The following HHAT variants were observed in gnomAD, a reference collection of about 807,000 sequenced individuals.
The protein encoded by HHAT is protein-cysteine N-palmitoyltransferase HHAT.
HHAT carries 47 observed loss-of-function variants against 70.8 expected under a neutral mutation model. That is an observed-to-expected ratio of 0.66 (90% CI 0.53 to 0.85). HHAT has a LOEUF of 0.85. HHAT is among the 40% of genes least tolerant of loss of function. The probability of loss-of-function intolerance (pLI) is 0.00; values close to 1 mark genes in which losing one functional copy is unlikely to be tolerated. For synonymous variants in HHAT, 228 were observed against 247.6 expected, an observed-to-expected ratio of 0.92 and a Z score of 0.74; for missense variants, 609 against 604.8, an observed-to-expected ratio of 1.01 and a Z score of -0.07.
intron 2 of HHAT, among the ~76,000 whole-genome samples, chr1:210,359,351 T>A (rs1228438572): frequency 6.6e-6 from 1 of 152,060 alleles, no homozygotes; most frequent in East Asian, 1.9e-4. Context: ...GGCTTAGGAG[T>A]TATGTAGCTA....
chr1:210,558,194 C>T (rs1197054080), intron 9 of HHAT, among the ~76,000 whole-genome samples: 3 of 152,132 alleles, frequency 2.0e-5, no homozygotes, highest in African/African-American at 7.2e-5. Context: ...CCAGAAGATA[C>T]CCAGCAATTG....
chr1:210,355,246 CAGATAATGAT>C (rs763640398), intron 2 of HHAT, among the ~76,000 whole-genome samples: 1 of 152,178 alleles, frequency 6.6e-6, no homozygotes, highest in Non-Finnish European at 1.5e-5. Context: ...ATACCATCCA[CAGATAATGAT>C]AGTAGTTTTG....
chr1:210,466,030 T>C lies in HHAT; in HGVS notation c.1007+1375T>C, dbSNP rs965472275. On this transcript the variant is annotated intron_variant, in intron 8 of 11. Coordinates refer to ENST00000261458, the MANE Select transcript of HHAT (RefSeq NM_018194.6). ...TTGCAAGGAATGAATTGCAAGGAAT[T>C]GCAAGGAATGAATTGCAAGGAATTG... Among the ~76,000 whole-genome samples, 206 of 132,146 alleles carry C rather than the reference T, an allele frequency of 1.6e-3. 1 individual carries two copies. The highest frequency in any genetic ancestry group is 1.2e-3 in the Non-Finnish European group (72 of 62,318). The allele number at this position is 132,146 out of a possible 152,430, so 86.7% of individuals were successfully genotyped here.
intron 7 of HHAT, among the ~76,000 whole-genome samples, chr1:210,437,563 G>A (rs1244197806): frequency 6.6e-6 from 1 of 151,848 alleles, no homozygotes; most frequent in Non-Finnish European, 1.5e-5. Flanking sequence ...CCACATTGTT[G>A]ATCCTGTGCA....
At chr1:210,625,599 A>G (rs1669690443) in intron 11 of HHAT, among the ~76,000 whole-genome samples, 1 of 152,240 alleles carries the variant, frequency 6.6e-6, no homozygotes, top group African/African-American at 2.4e-5. Context: ...AAGAGGTGGC[A>G]TTTGAATTGA....
chr1:210,372,164 G>T (rs559807053), intron 3 of HHAT, among the ~76,000 whole-genome samples: 3 of 152,158 alleles, frequency 2.0e-5, no homozygotes, highest in Non-Finnish European at 4.4e-5. Context: ...GGCCCTGCTC[G>T]TGGGTCCTGC....
intron 11 of HHAT, among the ~76,000 whole-genome samples, chr1:210,669,306 AT>A (rs1679610263): frequency 6.6e-6 from 1 of 152,202 alleles, no homozygotes; most frequent in Non-Finnish European, 1.5e-5. Flanking sequence ...TAACCAAGTT[AT>A]TACTTGGTTA....
intron 9 of HHAT, among the ~76,000 whole-genome samples, chr1:210,566,861 C>A (rs936401688): frequency 6.6e-6 from 1 of 152,194 alleles, no homozygotes; most frequent in Admixed American, 6.5e-5. Context: ...TCACACTGGC[C>A]CCCTGCCCTT....
intron 9 of HHAT, among the ~76,000 whole-genome samples, chr1:210,570,777 T>G (rs919561375): frequency 6.6e-6 from 1 of 152,144 alleles, no homozygotes; most frequent in Non-Finnish European, 1.5e-5. Context: ...CTTAAGGCAG[T>G]GCTGTCAAGT....
chr1:210,357,550 G>A (rs975555873), intron 2 of HHAT, among the ~76,000 whole-genome samples: 3 of 152,142 alleles, frequency 2.0e-5, no homozygotes, highest in East Asian at 1.9e-4. Context: ...GGCTGGGTAC[G>A]GTGGCTCACG....
intron 11 of HHAT, among the ~76,000 whole-genome samples, chr1:210,628,012 G>C (rs1226304696): frequency 6.6e-6 from 1 of 152,082 alleles, no homozygotes; most frequent in Non-Finnish European, 1.5e-5. Context: ...ATAAATCTTT[G>C]ACATTGAAGC....
intron 8 of HHAT, among the ~76,000 whole-genome samples, chr1:210,470,145 C>T (rs2094178022): frequency 1.3e-5 from 2 of 152,166 alleles, no homozygotes; most frequent in South Asian, 2.1e-4. Context: ...GTGCCCAGAC[C>T]CACCATTTGT....
intron 1 of HHAT, among the ~76,000 whole-genome samples, chr1:210,331,631 G>A (rs1409043304): frequency 6.6e-6 from 1 of 152,210 alleles, no homozygotes. Flanking sequence ...TGAAAGCTGA[G>A]ATAGGTGATC....
intron 10 of HHAT, chr1:210,588,328 T>C: frequency 2.3e-6 from 1 of 442,922 alleles, no homozygotes; most frequent in Non-Finnish European, 4.0e-6. Flanking sequence ...AAAAATGTAT[T>C]ATGTAAAAAT....
chr1:210,576,534 G>T (rs1573453778), intron 9 of HHAT, among the ~76,000 whole-genome samples: 1 of 123,756 alleles, frequency 8.1e-6, no homozygotes, highest in East Asian at 3.0e-4. Flanking sequence ...GGGGAGGGGG[G>T]AGGGATAGCA....
At chr1:210,521,887 G>A (rs1408565073) in intron 9 of HHAT, among the ~76,000 whole-genome samples, 1 of 152,150 alleles carries the variant, frequency 6.6e-6, no homozygotes, top group African/African-American at 2.4e-5. Flanking sequence ...AGATGGTAAT[G>A]GGAAGTTAAT....
intron 1 of HHAT, among the ~76,000 whole-genome samples, chr1:210,333,314 C>T (rs1380883022): frequency 6.6e-6 from 1 of 152,164 alleles, no homozygotes; most frequent in African/African-American, 2.4e-5. Context: ...GTCCCAACTA[C>T]TTGGGAGGCT....
chr1:210,342,431 C>T (rs2086119363), intron 1 of HHAT, among the ~76,000 whole-genome samples: 3 of 152,236 alleles, frequency 2.0e-5, no homozygotes, highest in Admixed American at 2.0e-4. Flanking sequence ...TTAGACACAT[C>T]TCACCATCAC....
At chr1:210,565,141 G>A (rs191121919) in intron 9 of HHAT, among the ~76,000 whole-genome samples, 32 of 152,290 alleles carry the variant, frequency 2.1e-4, no homozygotes, top group Middle Eastern at 3.4e-3. Flanking sequence ...AGCCTTAGTC[G>A]TGGAAAGGAC....
Sources: gnomAD v4.1 joint callset for allele counts (sites outside exome capture counted in the v4.1 genomes callset) on GRCh38, gnomAD v4.1.1 for gene constraint, MANE v1.5 for transcripts, NCBI Gene and HGNC (gene_info 2026-07-23, HGNC 2026-07-21) for gene names.